The following HYCC1 variants were observed in gnomAD, a reference collection of about 807,000 sequenced individuals.
HYCC1 encodes hyccin.
chr7:22,978,131 T>C, the HYCC1 span: 1 of 768,668 alleles, frequency 1.3e-6, no homozygotes, highest in Non-Finnish European at 2.2e-6. Flanking sequence ...CCCAGAAAGT[T>C]ATATTTGGAA....
the HYCC1 span, chr7:22,935,294 T>C: frequency 2.0e-5 from 3 of 152,114 alleles, no homozygotes; most frequent in East Asian, 5.8e-4. Context: ...ATGATGGGGT[T>C]TTTTTTCCAC....
At chr7:23,002,196 G>T in the HYCC1 span, among the ~76,000 whole-genome samples, 2 of 137,750 alleles carry the variant, frequency 1.5e-5, no homozygotes, top group East Asian at 2.1e-4. Flanking sequence ...TGCGGCTACA[G>T]CATGTAATGA....
At chr7:22,923,149 C>G in the HYCC1 span, among the ~76,000 whole-genome samples, 206 of 152,242 alleles carry the variant, frequency 1.4e-3, no homozygotes, top group African/African-American at 4.7e-3. Flanking sequence ...AGGAATAGAT[C>G]ATATGTCAGG....
the HYCC1 span, among the ~76,000 whole-genome samples, chr7:22,989,619 A>C: frequency 6.6e-6 from 1 of 152,062 alleles, no homozygotes. Context: ...CTGCCTCTCA[A>C]AGTGCTGGGA....
the HYCC1 span, chr7:22,983,742 A>G: frequency 1.8e-6 from 1 of 544,274 alleles, no homozygotes; most frequent in Non-Finnish European, 3.3e-6. Flanking sequence ...AGAGAGAAAA[A>G]GAGAGAAAAT....
the HYCC1 span, among the ~76,000 whole-genome samples, chr7:22,931,928 G>C: frequency 1.3e-5 from 2 of 152,300 alleles, no homozygotes; most frequent in South Asian, 4.1e-4. Flanking sequence ...GCTTCTTATA[G>C]TATAAATGCA....
the HYCC1 span, among the ~76,000 whole-genome samples, chr7:22,981,076 A>T: frequency 6.6e-6 from 1 of 152,182 alleles, no homozygotes; most frequent in African/African-American, 2.4e-5. Flanking sequence ...GTCCCAACAC[A>T]TATTTCCCTT....
the HYCC1 span, among the ~76,000 whole-genome samples, chr7:22,963,171 A>G: frequency 5.0e-3 from 765 of 152,342 alleles, 8 homozygotes; most frequent in African/African-American, 0.018. Context: ...TACAAGGCAC[A>G]TGAAAAGCAA....
the HYCC1 span, chr7:22,960,486 A>G: frequency 8.1e-7 from 1 of 1,229,738 alleles, no homozygotes; most frequent in Non-Finnish European, 1.2e-6. Context: ...ACCCTTCGAT[A>G]AAACATGATG....
At chr7:22,999,464 C>A in the HYCC1 span, among the ~76,000 whole-genome samples, 1 of 152,138 alleles carries the variant, frequency 6.6e-6, no homozygotes, top group African/African-American at 2.4e-5. Context: ...ATAATAATTA[C>A]CTCAATCACA....
chr7:22,958,988 G>C, the HYCC1 span, among the ~76,000 whole-genome samples: 2 of 152,062 alleles, frequency 1.3e-5, no homozygotes, highest in Non-Finnish European at 2.9e-5. Flanking sequence ...TGCCAAAACA[G>C]AAAAACCAAC....
chr7:22,993,145 C>T, the HYCC1 span, among the ~76,000 whole-genome samples: 4 of 152,048 alleles, frequency 2.6e-5, no homozygotes, highest in African/African-American at 9.7e-5. Flanking sequence ...AAAGGATGCT[C>T]TTTATAATAA....
the HYCC1 span, among the ~76,000 whole-genome samples, chr7:23,000,479 T>C: frequency 1.3e-5 from 2 of 152,270 alleles, no homozygotes; most frequent in South Asian, 4.1e-4. Context: ...CATGTATACA[T>C]AGTCCATTTA....
chr7:22,966,272 C>A, the HYCC1 span, among the ~76,000 whole-genome samples: 1 of 152,052 alleles, frequency 6.6e-6, no homozygotes, highest in Non-Finnish European at 1.5e-5. Context: ...CCAACATGCA[C>A]TGTTTTATTG....
the HYCC1 span, among the ~76,000 whole-genome samples, chr7:23,012,850 C>A: frequency 6.6e-6 from 1 of 152,068 alleles, no homozygotes; most frequent in Non-Finnish European, 1.5e-5. Context: ...TTACATGAAC[C>A]AAAGAGGTGG....
chr7:22,908,011 A>G, the HYCC1 span, among the ~76,000 whole-genome samples: 2 of 152,150 alleles, frequency 1.3e-5, no homozygotes, highest in Non-Finnish European at 2.9e-5. Context: ...GGAATGAGAA[A>G]TCTTCCCAGA....
chr7:22,942,422 A>C, the HYCC1 span: 18 of 152,154 alleles, frequency 1.2e-4, no homozygotes, highest in Non-Finnish European at 2.4e-4. Context: ...CAGGAAGGGA[A>C]GGGAAGACAT....
the HYCC1 span, among the ~76,000 whole-genome samples, chr7:22,993,167 T>C: frequency 1.6e-3 from 251 of 152,246 alleles, 2 homozygotes; most frequent in African/African-American, 5.6e-3. Flanking sequence ...TGGGGCTAGG[T>C]TATTTGGATA....
chr7:23,012,255 ATATT>A, the HYCC1 span, among the ~76,000 whole-genome samples: 1 of 152,220 alleles, frequency 6.6e-6, no homozygotes, highest in Admixed American at 6.5e-5. Flanking sequence ...AACAGTACAT[ATATT>A]TAAACTCACC....
Sources: gnomAD v4.1 joint callset for allele counts (sites outside exome capture counted in the v4.1 genomes callset) on GRCh38, gnomAD v4.1.1 for gene constraint, MANE v1.5 for transcripts, NCBI Gene and HGNC (gene_info 2026-07-23, HGNC 2026-07-21) for gene names.